Variants in KIF20B observed in about 807,000 individuals in gnomAD.
KIF20B encodes the protein kinesin-like protein KIF20B.
Under a neutral mutation model 232.5 loss-of-function variants are expected in KIF20B, and 188 were observed. That is an observed-to-expected ratio of 0.81 (90% CI 0.72 to 0.91). The LOEUF is 0.91. Ranked by LOEUF, KIF20B falls within the 40% of genes least tolerant of loss-of-function variation. The probability of loss-of-function intolerance (pLI) is 0.00; values close to 1 mark genes in which losing one functional copy is unlikely to be tolerated. For missense variants in KIF20B, 2,154 were observed against 2,055.9 expected, an observed-to-expected ratio of 1.05 and a Z score of -0.92; for synonymous variants, 712 against 683.0, an observed-to-expected ratio of 1.04 and a Z score of -0.66.
chr10:89,770,252 G>A (rs1433651492), intron 31 of KIF20B, among the ~76,000 whole-genome samples: 1 of 152,052 alleles, frequency 6.6e-6, no homozygotes, highest in South Asian at 2.1e-4. Flanking sequence ...AGGTGCTTCT[G>A]TAAGTTTGCT....
rs575345485 is a variant in KIF20B at position 89,738,958 on chromosome 10, A to G, written c.3777A>G (p.Lys1259=). ...EEETNRQETE[K]LKEELSASSA... ...TAGAAAAGTGGTTTATGTTTTTTAG[A>G]TTGAAAGAGGAACTCTCTGCAAGCT... The change falls in exon 21 of 33, where the codon AAA becomes AAG. Residue 1259 remains lysine (K), a splice_region_variant and synonymous_variant. Coordinates refer to ENST00000371728, the MANE Select transcript of KIF20B (RefSeq NM_001284259.2). The G allele has an allele frequency of 1.2e-4, 192 of 1,608,654 alleles. 2 individuals carry two copies. In the South Asian group the frequency reaches 2.0e-3, roughly 17 times the overall value.
chr10:89,737,534 T>A lies in KIF20B; in HGVS notation c.2693T>A (p.Leu898His). 6.2e-7 allele frequency: 1 copy of A among 1,608,624 alleles called. No individual in the cohort carries two copies. Among genetic ancestry groups the A allele is most frequent in the Non-Finnish European group, 8.5e-7 (1 of 1,177,376 alleles). Reference protein sequence around the residue: ...RAFLLTIENELKNEKEEKAEL... With the variant: ...RAFLLTIENEHKNEKEEKAEL... ...TTTTTACTCACTATTGAGAATGAAC[T>A]TAAAAATGAAAAGGAAGAAAAAGCA... The change falls in exon 20 of 33, where the codon CTT (leucine) becomes CAT (histidine). Residue 898 changes from leucine (L) to histidine (H), a missense_variant. Transcript: ENST00000371728.
intron 16 of KIF20B, among the ~76,000 whole-genome samples, chr10:89,727,179 G>A (rs1328408337): frequency 6.6e-6 from 1 of 151,978 alleles, no homozygotes; most frequent in Non-Finnish European, 1.5e-5. Flanking sequence ...AGTGACTACT[G>A]TGGAGTGGTT....
At chr10:89,731,705 T>C (rs1399765859) in intron 18 of KIF20B, among the ~76,000 whole-genome samples, 2 of 152,080 alleles carry the variant, frequency 1.3e-5, no homozygotes, top group Non-Finnish European at 2.9e-5. Context: ...GTACCAAGGA[T>C]CGGGGAAGGA....
chr10:89,750,531 T>C (rs900649272), intron 23 of KIF20B, among the ~76,000 whole-genome samples: 3 of 152,150 alleles, frequency 2.0e-5, no homozygotes, highest in African/African-American at 4.8e-5. Flanking sequence ...TCTTTGGGTA[T>C]TTGTGTTACT....
chr10:89,771,622 G>A (rs1842463946), intron 31 of KIF20B, among the ~76,000 whole-genome samples: 2 of 151,956 alleles, frequency 1.3e-5, no homozygotes, highest in African/African-American at 4.8e-5. Flanking sequence ...CTTTATTGAG[G>A]CCTTTGGTGG....
chr10:89,746,086 C>A (rs1275754280), intron 23 of KIF20B, 127 bp downstream of exon 23: 5 of 681,562 alleles, frequency 7.3e-6, no homozygotes, highest in Middle Eastern at 3.8e-4. Flanking sequence ...AGCATGCAGA[C>A]GGGCAGGTCT....
intron 4 of KIF20B, 108 bp from the exon 5 acceptor site, chr10:89,709,819 T>G (rs10881631): frequency 4.5e-6 from 4 of 880,442 alleles, no homozygotes; most frequent in Non-Finnish European, 6.3e-6. Context: ...GTGGCACCTA[T>G]TTTAAGAATG....
intron 29 of KIF20B, among the ~76,000 whole-genome samples, chr10:89,763,986 G>A (rs1282356255): frequency 6.6e-6 from 1 of 151,130 alleles, no homozygotes; most frequent in Non-Finnish European, 1.5e-5. Context: ...ATGCTGGTGT[G>A]CTGCACCCAT....
At position 89,718,944 on chromosome 10, in the gene KIF20B, C is replaced by G; in HGVS notation, c.1434+72C>G. 5.3e-6 allele frequency: 5 copies of G among 939,274 alleles called. No individual in the cohort carries two copies. The South Asian group carries it at 8.3e-5, about 16-fold the overall frequency. The allele number at this position is 939,274 out of a possible 1,614,324, so 58.2% of individuals were successfully genotyped here. Reference sequence around the variant, plus strand: ...TTTTTCTTGAAATAAATATTTTTTACTTAATACTGTAAGCCTAGGAAATAA... The same window carrying G: ...TTTTTCTTGAAATAAATATTTTTTAGTTAATACTGTAAGCCTAGGAAATAA... On this transcript the variant is annotated intron_variant, in intron 12 of 32. Coordinates refer to ENST00000371728, the MANE Select transcript of KIF20B (RefSeq NM_001284259.2).
At chr10:89,705,238 G>T in intron 1 of KIF20B, 56 bp from the exon 2 acceptor site, 1 of 1,499,830 alleles carries the variant, frequency 6.7e-7, no homozygotes, top group Non-Finnish European at 9.2e-7. Flanking sequence ...GAAAGTGTGG[G>T]TGGCTTACAT....
At chr10:89,714,818 A>C in intron 7 of KIF20B, 137 bp from the exon 8 acceptor site, 1 of 596,826 alleles carries the variant, frequency 1.7e-6, no homozygotes, top group South Asian at 2.1e-5. Flanking sequence ...CCTTTGTTCC[A>C]AAAAGTTTTT....
Position 89,761,862 on chromosome 10 carries a change from A to T in KIF20B, c.4792-776A>T, listed in dbSNP as rs78237678. On this transcript the variant is annotated intron_variant, in intron 28 of 32. Transcript: ENST00000371728. ...TGTTGTCCTAAAACCTCCTGGTTCC[A>T]ATTTTCTAATTCCAGCAGTTATTTT... 9.5e-3 allele frequency among the ~76,000 whole-genome samples: 1,443 copies of T among 152,318 alleles called. 41 individuals are homozygous for T. Among genetic ancestry groups the T allele is most frequent in the Admixed American group, 0.06 (916 of 15,284 alleles).
At chr10:89,770,346 C>T (rs770855415) in intron 31 of KIF20B, among the ~76,000 whole-genome samples, 1 of 151,834 alleles carries the variant, frequency 6.6e-6, no homozygotes. Flanking sequence ...AAAATATGTA[C>T]ATTTAAAAAA....
chr10:89,730,788 G>A (rs1421355177), intron 18 of KIF20B, among the ~76,000 whole-genome samples: 4 of 152,180 alleles, frequency 2.6e-5, no homozygotes, highest in African/African-American at 9.7e-5. Context: ...GCATTAAAGA[G>A]TTTGGGGAGT....
Position 89,773,963 on chromosome 10 carries a change from A to C in KIF20B, c.5386-8A>C. Reference sequence around the variant, plus strand: ...AGCTTTGAAAAACTATGAAATTTTTAATTTCAGATTTTAATGGACCAGAAA... The same window carrying C: ...AGCTTTGAAAAACTATGAAATTTTTCATTTCAGATTTTAATGGACCAGAAA... On this transcript the variant is annotated splice_polypyrimidine_tract_variant and splice_region_variant and intron_variant, in intron 32 of 32. Transcript: ENST00000371728. 1 of 1,523,996 alleles carries C rather than the reference A, an allele frequency of 6.6e-7. No individual in the cohort carries two copies. The highest frequency in any genetic ancestry group is 8.9e-7 in the Non-Finnish European group (1 of 1,126,372). 94.4% of individuals were successfully genotyped at this position (1,523,996 alleles called of 1,614,324 possible).
At chr10:89,764,363 G>A (rs547902370) in intron 29 of KIF20B, among the ~76,000 whole-genome samples, 2 of 152,106 alleles carry the variant, frequency 1.3e-5, no homozygotes, top group Non-Finnish European at 2.9e-5. Context: ...ACATATGTGT[G>A]CATGTGTCTT....
At chr10:89,744,491 T>G (rs1026289632) in intron 22 of KIF20B, among the ~76,000 whole-genome samples, 1 of 152,166 alleles carries the variant, frequency 6.6e-6, no homozygotes, top group Non-Finnish European at 1.5e-5. Flanking sequence ...TTTTGATAAA[T>G]GTACCATGGT....
intron 8 of KIF20B, among the ~76,000 whole-genome samples, chr10:89,715,771 A>G (rs1227508509): frequency 6.6e-6 from 1 of 152,180 alleles, no homozygotes; most frequent in Non-Finnish European, 1.5e-5. Flanking sequence ...CAGGTGGATC[A>G]CTTGAGCTCA....
Sources: gnomAD v4.1 joint callset for allele counts (sites outside exome capture counted in the v4.1 genomes callset) on GRCh38, gnomAD v4.1.1 for gene constraint, MANE v1.5 for transcripts, NCBI Gene and HGNC (gene_info 2026-07-23, HGNC 2026-07-21) for gene names.